PCDH15: variants seen among roughly 807,000 people sequenced by gnomAD.
PCDH15 encodes the protein protocadherin-15.
A neutral mutation model predicts 178.5 loss-of-function variants in PCDH15; 129 were observed. That is an observed-to-expected ratio of 0.72 (90% CI 0.63 to 0.84). The LOEUF (loss-of-function observed/expected upper bound fraction) is 0.84. Ranked by LOEUF, PCDH15 falls within the 40% of genes least tolerant of loss-of-function variation. PCDH15 has a pLI of 0.00. For synonymous variants in PCDH15, 800 were observed against 732.0 expected, an observed-to-expected ratio of 1.09 and a Z score of -1.50; for missense variants, 2,230 against 2,099.9, an observed-to-expected ratio of 1.06 and a Z score of -1.21.
intron 1 of PCDH15, among the ~76,000 whole-genome samples, chr10:55,233,473 A>T (rs898060267): frequency 2.0e-5 from 3 of 152,148 alleles, no homozygotes; most frequent in Admixed American, 6.5e-5. Context: ...AATGCATGAG[A>T]GTTTAGACAT....
At chr10:53,928,378 A>G (rs2084756105) in intron 25 of PCDH15, among the ~76,000 whole-genome samples, 1 of 152,048 alleles carries the variant, frequency 6.6e-6, no homozygotes, top group African/African-American at 2.4e-5. Context: ...ATAAATAAAA[A>G]CCAATCTAAT....
chr10:55,235,782 C>CTGTA (rs2132204712), intron 1 of PCDH15, among the ~76,000 whole-genome samples: 1 of 151,946 alleles, frequency 6.6e-6, no homozygotes, highest in African/African-American at 2.4e-5. Flanking sequence ...TGGCATGTAC[C>CTGTA]TGTAGTCCCA....
intron 3 of PCDH15, among the ~76,000 whole-genome samples, chr10:54,828,081 T>C (rs1717005646): frequency 6.6e-6 from 1 of 152,046 alleles, no homozygotes; most frequent in Non-Finnish European, 1.5e-5. Flanking sequence ...GCTTATCAAC[T>C]ACCATTGGTA....
Position 54,622,649 on chromosome 10 carries a change from ATATACTATATAATATAT to A in PCDH15, c.91+41506_91+41522del, listed in dbSNP as rs1444990813. On this transcript the variant is annotated intron_variant, in intron 2 of 37. Coordinates refer to ENST00000644397, the MANE Select transcript of PCDH15 (RefSeq NM_001384140.1). ...TATAATATATATTATATAATTATATATATACTATATAATATATATTATATATAATATATATTATATAA... is the reference window on the plus strand; with the variant it reads ...TATAATATATATTATATAATTATATAATTATATATAATATATATTATATAA... 6.1e-3 allele frequency among the ~76,000 whole-genome samples: 597 copies of A among 97,696 alleles called. 19 individuals are homozygous for A. The highest frequency in any genetic ancestry group is 0.025 in the African/African-American group (552 of 22,224). 64.1% of individuals were successfully genotyped at this position (97,696 alleles called of 152,430 possible). A position where few individuals can be genotyped will look rare whatever the true frequency, so the allele number is the denominator to read the frequency against.
At chr10:53,873,610 C>A (rs2080021785) in intron 26 of PCDH15, among the ~76,000 whole-genome samples, 1 of 152,130 alleles carries the variant, frequency 6.6e-6, no homozygotes, top group Admixed American at 6.6e-5. Flanking sequence ...AGGGATAAAA[C>A]TGCAGTTTAA....
At chr10:54,094,321 G>A (rs999305469) in intron 15 of PCDH15, among the ~76,000 whole-genome samples, 2 of 152,146 alleles carry the variant, frequency 1.3e-5, no homozygotes, top group African/African-American at 4.8e-5. Flanking sequence ...CTTTATACGC[G>A]TTGCTCAACT....
intron 29 of PCDH15, among the ~76,000 whole-genome samples, chr10:53,837,411 ATAAG>A (rs1309032428): frequency 1.3e-5 from 2 of 152,152 alleles, no homozygotes; most frequent in Admixed American, 1.3e-4. Flanking sequence ...GCCAAACAAA[ATAAG>A]TTATTAACAT....
intron 18 of PCDH15, among the ~76,000 whole-genome samples, chr10:54,054,544 C>T (rs572324759): frequency 1.9e-4 from 29 of 152,194 alleles, no homozygotes; most frequent in Non-Finnish European, 2.5e-4. Flanking sequence ...GCTGGGATTT[C>T]ACAACTATAA....
At chr10:55,336,509 T>C (rs1007755889) in intron 2 of PCDH15, among the ~76,000 whole-genome samples, 2 of 151,930 alleles carry the variant, frequency 1.3e-5, no homozygotes, top group East Asian at 3.9e-4. Flanking sequence ...AATAAATAAA[T>C]AAATAAACAA....
intron 1 of PCDH15, among the ~76,000 whole-genome samples, chr10:55,168,162 G>A (rs1839242998): frequency 6.6e-6 from 1 of 152,034 alleles, no homozygotes; most frequent in Non-Finnish European, 1.5e-5. Flanking sequence ...AAACATAGCA[G>A]CAAATCCTTT....
chr10:54,214,106 G>T, intron 9 of PCDH15, 58 bp from the exon 10 acceptor site: 1 of 938,202 alleles, frequency 1.1e-6, no homozygotes, highest in Non-Finnish European at 1.8e-6. Context: ...ATGTGTATCT[G>T]CTTTTTCTAT....
chr10:54,868,038 A>T (rs1953969403), intron 3 of PCDH15, among the ~76,000 whole-genome samples: 1 of 152,216 alleles, frequency 6.6e-6, no homozygotes, highest in African/African-American at 2.4e-5. Context: ...ATTATTTCAC[A>T]ATGTACACTT....
Position 54,095,385 on chromosome 10 carries a change from G to A in PCDH15, c.1918-5322C>T, listed in dbSNP as rs748469162. On this transcript the variant is annotated intron_variant, in intron 15 of 37. Coordinates refer to ENST00000644397, the MANE Select transcript of PCDH15 (RefSeq NM_001384140.1). ...TATAAAATGTTATTTTGAAGTAAGT[G>A]TAAGTAAAAGGTCAGTTCATTAAAT... Among the ~76,000 whole-genome samples the A allele has an allele frequency of 1.6e-4, 25 of 151,718 alleles. No individual in the cohort carries two copies. In the Middle Eastern group the frequency reaches 0.01, roughly 63 times the overall value.
intron 14 of PCDH15, 151 bp from the exon 15 acceptor site, chr10:54,133,158 A>G (rs1218722134): frequency 4.3e-6 from 4 of 921,080 alleles, no homozygotes; most frequent in South Asian, 1.5e-5. Flanking sequence ...GATAGAAAAA[A>G]CTACCACCAA....
chr10:55,528,564 T>C lies in PCDH15; in HGVS notation c.-156+99061A>G, dbSNP rs991211998. 2.6e-5 allele frequency among the ~76,000 whole-genome samples: 4 copies of C among 152,122 alleles called. No individual in the cohort carries two copies. The South Asian group carries it at 8.3e-4, about 32-fold the overall frequency. On this transcript the variant is annotated intron_variant, in intron 2 of 5. Coordinates refer to the PCDH15 transcript ENST00000613346. Reference sequence around the variant, plus strand: ...CTACAAAGGACATGAACTCATCATTTTTTATGGCTGCATAGTATTCCATGG... The same window carrying C: ...CTACAAAGGACATGAACTCATCATTCTTTATGGCTGCATAGTATTCCATGG...
At position 54,283,203 on chromosome 10, in the gene PCDH15, G is replaced by T. The variant is rs2058810864; in HGVS notation, c.876+34068C>A. Among the ~76,000 whole-genome samples, 7 of 152,156 alleles carry T rather than the reference G, an allele frequency of 4.6e-5. No individual in the cohort carries two copies. In the South Asian group the frequency reaches 1.5e-3, roughly 32 times the overall value. ...TATCTGATGATATTTTAGCAAAGCT[G>T]GACTCTGCAGTATCCTTTTTTGTTT... On this transcript the variant is annotated intron_variant, in intron 8 of 37. Transcript: ENST00000644397.
intron 2 of PCDH15, among the ~76,000 whole-genome samples, chr10:54,557,192 T>C (rs2087399949): frequency 6.6e-6 from 1 of 152,152 alleles, no homozygotes; most frequent in South Asian, 2.1e-4. Flanking sequence ...TAATTACCTC[T>C]GAATGTCACC....
At chr10:54,689,080 T>C (rs2095067130) in intron 1 of PCDH15, among the ~76,000 whole-genome samples, 1 of 152,084 alleles carries the variant, frequency 6.6e-6, no homozygotes, top group African/African-American at 2.4e-5. Context: ...GTTTCCAAAA[T>C]ACCTATCTTC....
intron 6 of PCDH15, among the ~76,000 whole-genome samples, chr10:54,336,683 G>C (rs1010736193): frequency 1.3e-5 from 2 of 152,226 alleles, no homozygotes; most frequent in African/African-American, 4.8e-5. Flanking sequence ...ACAAAAGTTT[G>C]CTGAAGGGGC....
Sources: gnomAD v4.1 joint callset for allele counts (sites outside exome capture counted in the v4.1 genomes callset) on GRCh38, gnomAD v4.1.1 for gene constraint, MANE v1.5 for transcripts, NCBI Gene and HGNC (gene_info 2026-07-23, HGNC 2026-07-21) for gene names.